Variants in NRG1 observed in about 807,000 individuals in gnomAD.
The protein encoded by NRG1 is pro-neuregulin-1, membrane-bound isoform.
A neutral mutation model predicts 63.8 loss-of-function variants in NRG1; 18 were observed. The observed-to-expected ratio is 0.28, with a 90% CI of 0.19 to 0.42. The LOEUF is 0.42. Among genes scored for constraint, NRG1 ranks in the 10% least tolerant of loss-of-function variants. The probability of loss-of-function intolerance (pLI) is 1.00; values close to 1 mark genes in which losing one functional copy is unlikely to be tolerated. For missense variants in NRG1, 762 were observed against 814.7 expected (o/e 0.94, Z 0.79); for synonymous variants, 302 against 301.3 (o/e 1.00, Z -0.02).
chr8:31,761,605 T>C (rs771040970), intron 1 of NRG1, among the ~76,000 whole-genome samples: 45 of 151,130 alleles, frequency 3.0e-4, no homozygotes, highest in Non-Finnish European at 5.3e-4. Context: ...GGAGAGGGAG[T>C]GAGATAAGGA....
intron 1 of NRG1, among the ~76,000 whole-genome samples, chr8:32,169,914 A>G (rs1252487436): frequency 6.6e-6 from 1 of 152,220 alleles, no homozygotes; most frequent in Admixed American, 6.5e-5. Flanking sequence ...ATGAGGTTAT[A>G]CTCAAGTAAA....
At chr8:32,630,832 C>T (rs1297314408) in intron 5 of NRG1, among the ~76,000 whole-genome samples, 2 of 150,938 alleles carry the variant, frequency 1.3e-5, no homozygotes, top group Non-Finnish European at 1.5e-5. Context: ...AACTGACTGA[C>T]GATAATTAAA....
intron 1 of NRG1, among the ~76,000 whole-genome samples, chr8:31,758,679 A>G (rs1342639554): frequency 6.6e-6 from 1 of 152,074 alleles, no homozygotes; most frequent in African/African-American, 2.4e-5. Flanking sequence ...ATGCCACACA[A>G]TGGATATTTG....
rs1389419603 is a variant in NRG1, at chr8:32,000,310, T to A, written c.37+360879T>A. ...GTTCCCTACCTTTGCAAGGTCAGTG[T>A]CTCAGTGATGTGCCTTAAATACCTT... On this transcript the variant is annotated intron_variant, in intron 1 of 10. Coordinates refer to the NRG1 transcript ENST00000519301. 2.0e-5 allele frequency among the ~76,000 whole-genome samples: 3 copies of A among 152,024 alleles called. 1 individual carries two copies. Among genetic ancestry groups the A allele is most frequent in the Non-Finnish European group, 4.4e-5 (3 of 67,956 alleles).
chr8:31,851,452 T>C (rs1187559722), intron 1 of NRG1, among the ~76,000 whole-genome samples: 1 of 152,188 alleles, frequency 6.6e-6, no homozygotes, highest in Non-Finnish European at 1.5e-5. Flanking sequence ...ATTCTTTCTA[T>C]TGTTTTGATA....
chr8:31,749,424 G>T (rs1816222362), intron 1 of NRG1, among the ~76,000 whole-genome samples: 1 of 151,666 alleles, frequency 6.6e-6, no homozygotes, highest in Non-Finnish European at 1.5e-5. Context: ...TCTTTAATTA[G>T]TAGGATTCTA....
intron 5 of NRG1, among the ~76,000 whole-genome samples, chr8:32,617,147 A>T (rs1405411885): frequency 6.6e-6 from 1 of 152,174 alleles, no homozygotes; most frequent in African/African-American, 2.4e-5. Flanking sequence ...GGCTTTGAAT[A>T]TTGAAAAATA....
chr8:31,809,337 T>C (rs1822607683), intron 1 of NRG1, among the ~76,000 whole-genome samples: 2 of 144,384 alleles, frequency 1.4e-5, no homozygotes, highest in African/African-American at 5.0e-5. Context: ...TCTCTCTCCA[T>C]ATATATATAT....
chr8:31,906,849 A>G (rs1216617242), intron 1 of NRG1, among the ~76,000 whole-genome samples: 1 of 152,224 alleles, frequency 6.6e-6, no homozygotes, highest in African/African-American at 2.4e-5. Context: ...AATGGACACA[A>G]ACATGGCTCA....
intron 1 of NRG1, among the ~76,000 whole-genome samples, chr8:32,014,019 T>C (rs1204908366): frequency 6.6e-6 from 1 of 152,200 alleles, no homozygotes; most frequent in Non-Finnish European, 1.5e-5. Context: ...GCTGTATTTC[T>C]CAGGCCTCAC....
At chr8:32,329,921 T>C (rs529476266) in intron 1 of NRG1, among the ~76,000 whole-genome samples, 2 of 151,646 alleles carry the variant, frequency 1.3e-5, no homozygotes, top group Non-Finnish European at 2.9e-5. Context: ...TCATCCAGGT[T>C]GGAATGCAAT....
At chr8:31,888,379 T>A (rs886188169) in intron 1 of NRG1, among the ~76,000 whole-genome samples, 1 of 152,148 alleles carries the variant, frequency 6.6e-6, no homozygotes, top group South Asian at 2.1e-4. Flanking sequence ...TTGTTAAACC[T>A]CTACTTTCTG....
At chr8:32,496,589 C>CAAAAT (rs10674633) in intron 1 of NRG1, among the ~76,000 whole-genome samples, 92,660 of 149,306 alleles carry the variant, frequency 0.62, 29,037 homozygotes, top group East Asian at 0.78. Flanking sequence ...GACCCTGTCT[C>CAAAAT]AAAATAAAAT....
chr8:32,428,885 T>C lies in NRG1; in HGVS notation c.38-166943T>C, dbSNP rs1472567984. ...AGAGAAATTTCTACAGACTCTCTCA[T>C]ACCAGGTAGGTTTTTGTTTGTTTGT... On this transcript the variant is annotated intron_variant, in intron 1 of 10. Coordinates refer to the NRG1 transcript ENST00000519301. 9.2e-5 allele frequency among the ~76,000 whole-genome samples: 14 copies of C among 152,280 alleles called. No individual in the cohort carries two copies. In the South Asian group the frequency reaches 2.7e-3, roughly 29 times the overall value.
chr8:32,330,052 A>T (rs1285375909), intron 1 of NRG1, among the ~76,000 whole-genome samples: 25 of 51,794 alleles, frequency 4.8e-4, no homozygotes, highest in Middle Eastern at 8.5e-3. Context: ...AAAAAAAAAA[A>T]AAAAAAAAAA....
At chr8:31,854,419 C>T (rs954653345) in intron 1 of NRG1, among the ~76,000 whole-genome samples, 1 of 152,138 alleles carries the variant, frequency 6.6e-6, no homozygotes, top group African/African-American at 2.4e-5. Flanking sequence ...GTAGTATTCT[C>T]TGATGGTAGT....
chr8:32,698,545 C>A (rs1813978693), intron 5 of NRG1, among the ~76,000 whole-genome samples: 1 of 152,070 alleles, frequency 6.6e-6, no homozygotes, highest in African/African-American at 2.4e-5. Context: ...GGGAGAAAGC[C>A]CAGGCTCATG....
At chr8:32,509,413 A>T (rs1393387845) in intron 1 of NRG1, among the ~76,000 whole-genome samples, 1 of 152,168 alleles carries the variant, frequency 6.6e-6, no homozygotes, top group African/African-American at 2.4e-5. Context: ...TCTATTATTC[A>T]CATATAACTT....
At chr8:31,944,898 C>A (rs1170813226) in intron 1 of NRG1, among the ~76,000 whole-genome samples, 1 of 152,170 alleles carries the variant, frequency 6.6e-6, no homozygotes, top group East Asian at 1.9e-4. Context: ...GGAGTCAAAT[C>A]ATCAACCGCA....
Sources: gnomAD v4.1 joint callset for allele counts (sites outside exome capture counted in the v4.1 genomes callset) on GRCh38, gnomAD v4.1.1 for gene constraint, MANE v1.5 for transcripts, NCBI Gene and HGNC (gene_info 2026-07-23, HGNC 2026-07-21) for gene names.